Variants in GLIPR1L2 observed in about 807,000 individuals in gnomAD.
GLIPR1L2 encodes the protein GLIPR1-like protein 2.
Under a neutral mutation model 28.4 loss-of-function variants are expected in GLIPR1L2, and 21 were observed. The ratio of observed to expected loss-of-function variants is 0.74; its 90% CI spans 0.52 to 1.06. The LOEUF (loss-of-function observed/expected upper bound fraction) is 1.06. Ranked by LOEUF, GLIPR1L2 falls within the 50% of genes least tolerant of loss-of-function variation. The probability of loss-of-function intolerance (pLI) is 0.00; values close to 1 mark genes in which losing one functional copy is unlikely to be tolerated. For missense variants in GLIPR1L2, 476 were observed against 416.9 expected (o/e 1.14, Z -1.23); for synonymous variants, 145 against 139.3 (o/e 1.04, Z -0.29).
At position 75,410,492 on chromosome 12, in the gene GLIPR1L2, C is replaced by T. The variant is rs376778122; in HGVS notation, c.293C>T (p.Thr98Met). The change falls in exon 2 of 6, where the codon ACG becomes ATG. Residue 98 changes from threonine (T) to methionine (M), a missense_variant. Coordinates refer to ENST00000550916, the MANE Select transcript of GLIPR1L2 (RefSeq NM_001270396.2). ...ARAWGKKCLF[T>M]HNIYLQDVQM... Reference sequence around the variant, plus strand: ...GCATGGGGAAAAAAATGTTTGTTTACGCATAATATTTATTTACAAGATGTA... The same window carrying T: ...GCATGGGGAAAAAAATGTTTGTTTATGCATAATATTTATTTACAAGATGTA... The T allele has an allele frequency of 1.5e-4, 248 of 1,610,004 alleles. 2 individuals carry two copies. In the South Asian group the frequency reaches 1.6e-3, roughly 10 times the overall value.
intron 1 of GLIPR1L2, among the ~76,000 whole-genome samples, chr12:75,408,836 T>C (rs1230876705): frequency 6.6e-6 from 1 of 152,070 alleles, no homozygotes; most frequent in Non-Finnish European, 1.5e-5. Flanking sequence ...GCCAAACTTA[T>C]AGTTAAATGT....
chr12:75,407,378 G>T (rs2045814801), intron 1 of GLIPR1L2, among the ~76,000 whole-genome samples: 2 of 152,062 alleles, frequency 1.3e-5, no homozygotes, highest in African/African-American at 4.8e-5. Flanking sequence ...ATAAATAAAT[G>T]AATGTGTAAA....
chr12:75,423,390 G>T, intron 4 of GLIPR1L2: 1 of 986,654 alleles, frequency 1.0e-6, no homozygotes. Flanking sequence ...CCTCCAAAAA[G>T]CTGAAATCTC....
intron 1 of GLIPR1L2, among the ~76,000 whole-genome samples, chr12:75,400,141 CAG>C (rs1566064731): frequency 6.6e-6 from 1 of 152,056 alleles, no homozygotes; most frequent in Non-Finnish European, 1.5e-5. Context: ...TTTTTTGAGA[CAG>C]AGTCTCGCTC....
chr12:75,391,543 T>C, intron 1 of GLIPR1L2, 193 bp downstream of exon 1: 2 of 1,523,208 alleles, frequency 1.3e-6, no homozygotes, highest in Non-Finnish European at 1.8e-6. Context: ...CTTATTACCA[T>C]GATATTACAC....
chr12:75,410,929 C>T (rs2045860516), intron 2 of GLIPR1L2, among the ~76,000 whole-genome samples: 1 of 151,540 alleles, frequency 6.6e-6, no homozygotes, highest in Non-Finnish European at 1.5e-5. Context: ...AGGCACTTTC[C>T]TAAAAATAAT....
At chr12:75,413,816 T>C (rs1403397771) in intron 3 of GLIPR1L2, 115 bp downstream of exon 3, 2 of 482,528 alleles carry the variant, frequency 4.1e-6, no homozygotes, top group African/African-American at 2.0e-5. Flanking sequence ...AAATATACTT[T>C]ACATTGAAAT....
intron 3 of GLIPR1L2, among the ~76,000 whole-genome samples, chr12:75,420,600 T>C (rs748765121): frequency 3.3e-5 from 5 of 152,152 alleles, no homozygotes; most frequent in Non-Finnish European, 5.9e-5. Context: ...TCTTAGAAAA[T>C]GCAAATTTTC....
intron 4 of GLIPR1L2, among the ~76,000 whole-genome samples, chr12:75,425,102 T>G (rs1375809826): frequency 6.6e-6 from 1 of 151,990 alleles, no homozygotes; most frequent in African/African-American, 2.4e-5. Context: ...TAACTGTCCA[T>G]ACATGAGGTT....
At chr12:75,393,606 T>C (rs1744262119) in intron 1 of GLIPR1L2, among the ~76,000 whole-genome samples, 2 of 152,158 alleles carry the variant, frequency 1.3e-5, no homozygotes, top group South Asian at 4.1e-4. Flanking sequence ...AATATTCTAC[T>C]GTATGCATAT....
At chr12:75,401,369 A>T in intron 1 of GLIPR1L2, among the ~76,000 whole-genome samples, 1 of 151,508 alleles carries the variant, frequency 6.6e-6, no homozygotes, top group East Asian at 1.9e-4. Flanking sequence ...ATAAAAAGAA[A>T]TACTATGTAT....
chr12:75,427,667 T>C (rs2046047729), intron 4 of GLIPR1L2, among the ~76,000 whole-genome samples: 1 of 152,192 alleles, frequency 6.6e-6, no homozygotes, highest in Non-Finnish European at 1.5e-5. Context: ...CCAAATATCA[T>C]CTTGAATTGT....
chr12:75,407,393 C>T (rs1480333447), intron 1 of GLIPR1L2, among the ~76,000 whole-genome samples: 1 of 151,766 alleles, frequency 6.6e-6, no homozygotes, highest in Non-Finnish European at 1.5e-5. Flanking sequence ...TGTAAAAGCA[C>T]AAAGGGAAAA....
At chr12:75,413,219 T>A (rs1170232241) in intron 2 of GLIPR1L2, among the ~76,000 whole-genome samples, 2 of 151,502 alleles carry the variant, frequency 1.3e-5, no homozygotes, top group Admixed American at 6.6e-5. Flanking sequence ...GGGGGAGGGA[T>A]AGCATTAGGA....
chr12:75,428,986 A>G (rs1458780349), intron 4 of GLIPR1L2, among the ~76,000 whole-genome samples: 1 of 152,218 alleles, frequency 6.6e-6, no homozygotes, highest in Non-Finnish European at 1.5e-5. Flanking sequence ...GCAGGGGTGG[A>G]GCCCTCATGG....
At chr12:75,426,815 A>G (rs2046038918) in intron 4 of GLIPR1L2, among the ~76,000 whole-genome samples, 2 of 152,222 alleles carry the variant, frequency 1.3e-5, no homozygotes, top group East Asian at 3.8e-4. Context: ...ATTTATATAC[A>G]GCAAAACCTA....
chr12:75,411,856 A>G (rs1489809314), intron 2 of GLIPR1L2, among the ~76,000 whole-genome samples: 1 of 152,012 alleles, frequency 6.6e-6, no homozygotes, highest in East Asian at 1.9e-4. Context: ...GGTTAACAAA[A>G]CAAAACAGTA....
chr12:75,412,610 GCC>G (rs1566071538), intron 2 of GLIPR1L2, among the ~76,000 whole-genome samples: 2 of 152,098 alleles, frequency 1.3e-5, no homozygotes, highest in Admixed American at 1.3e-4. Flanking sequence ...ATCATCACTG[GCC>G]GTCAGAGAAA....
intron 1 of GLIPR1L2, among the ~76,000 whole-genome samples, chr12:75,402,013 C>T (rs1277667641): frequency 6.6e-6 from 1 of 151,992 alleles, no homozygotes; most frequent in Non-Finnish European, 1.5e-5. Context: ...AAAAAATAGA[C>T]ACATTCGTGA....
Sources: gnomAD v4.1 joint callset for allele counts (sites outside exome capture counted in the v4.1 genomes callset) on GRCh38, gnomAD v4.1.1 for gene constraint, MANE v1.5 for transcripts, NCBI Gene and HGNC (gene_info 2026-07-23, HGNC 2026-07-21) for gene names.